ZDHHC15: variants seen among roughly 807,000 people sequenced by gnomAD.
The protein encoded by ZDHHC15 is palmitoyltransferase ZDHHC15.
A neutral mutation model predicts 31.7 loss-of-function variants in ZDHHC15; 19 were observed. The observed-to-expected ratio is 0.60, with a 90% CI of 0.42 to 0.88. The LOEUF is 0.88. Ranked by LOEUF, ZDHHC15 falls within the 40% of genes least tolerant of loss-of-function variation. The pLI, the probability that ZDHHC15 is intolerant of heterozygous loss-of-function variation, is 0.00. For synonymous variants in ZDHHC15, 103 were observed against 90.0 expected (o/e 1.14, Z -0.82); for missense variants, 209 against 251.2 (o/e 0.83, Z 1.14).
At chrX:75,458,027 C>T (rs1260005552) in intron 3 of ZDHHC15, among the ~76,000 whole-genome samples, 1 of 111,093 alleles carries the variant, frequency 9.0e-6, no homozygotes, top group Non-Finnish European at 1.9e-5. Context: ...AAGACATGTA[C>T]AAGAATGTTC....
At chrX:75,432,885 G>A (rs1272099797) in intron 4 of ZDHHC15, among the ~76,000 whole-genome samples, 6 of 111,323 alleles carry the variant, frequency 5.4e-5, no homozygotes, top group Non-Finnish European at 9.4e-5. Context: ...TTGGGAGGCC[G>A]AGGCGGGAGG....
chrX:75,510,467 G>A (rs1466659962), intron 1 of ZDHHC15, among the ~76,000 whole-genome samples: 1 of 57,434 alleles, frequency 1.7e-5, no homozygotes, highest in Non-Finnish European at 3.3e-5. Flanking sequence ...TCTAGAAAAT[G>A]TTTCTTCTGT....
At chrX:75,387,494 A>G (rs1004907838) in intron 10 of ZDHHC15, among the ~76,000 whole-genome samples, 1 of 112,158 alleles carries the variant, frequency 8.9e-6, no homozygotes, top group Non-Finnish European at 1.9e-5. Context: ...AATCAGACAG[A>G]AATCATGAAA....
rs116478893 is a variant in ZDHHC15, at chrX:75,413,941, G to A, written c.967+3146C>T. On this transcript the variant is annotated intron_variant, in intron 10 of 11. Transcript: ENST00000373367. ...CCAACTTATTATTCATGATACTCATGACAGGTAGAGCCATAGATGCCACCC... is the reference window on the plus strand; with the variant it reads ...CCAACTTATTATTCATGATACTCATAACAGGTAGAGCCATAGATGCCACCC... 5.3e-3 allele frequency among the ~76,000 whole-genome samples: 585 copies of A among 110,882 alleles called. 4 individuals carry two copies. The highest frequency in any genetic ancestry group is 0.019 in the African/African-American group (565 of 30,465).
At position 75,471,586 on chromosome X, in the gene ZDHHC15, T is replaced by A. The variant is rs745409131; in HGVS notation, c.258+7305A>T. 7.1e-5 allele frequency among the ~76,000 whole-genome samples: 8 copies of A among 112,251 alleles called. No individual in the cohort carries two copies. The South Asian group carries it at 3.0e-3, about 42-fold the overall frequency. The stretch of plus-strand genomic sequence containing the variant: ...ACAACCAAGAAATTAGCACAATGCC[T>A]AGTGGGCCTATTTGGATTTTAGATG... On this transcript the variant is annotated intron_variant, in intron 3 of 11. Coordinates refer to ENST00000373367, the MANE Select transcript of ZDHHC15 (RefSeq NM_144969.3).
At chrX:75,381,621 A>G (rs1279066229) in intron 10 of ZDHHC15, among the ~76,000 whole-genome samples, 1 of 111,669 alleles carries the variant, frequency 9.0e-6, no homozygotes, top group African/African-American at 3.3e-5. Context: ...CATAAACTTA[A>G]TAGCTATTTT....
chrX:75,389,917 C>T (rs923678701), intron 10 of ZDHHC15, among the ~76,000 whole-genome samples: 1 of 112,193 alleles, frequency 8.9e-6, no homozygotes, highest in Non-Finnish European at 1.9e-5. Context: ...CTTGGGTTCC[C>T]CAATTCTAGG....
At chrX:75,496,099 C>A (rs1385750183) in intron 2 of ZDHHC15, among the ~76,000 whole-genome samples, 1 of 110,668 alleles carries the variant, frequency 9.0e-6, no homozygotes, top group East Asian at 2.8e-4. Context: ...TATCTCCTGT[C>A]TTCAAGAGTC....
chrX:75,513,738 T>C (rs749873994), intron 1 of ZDHHC15, among the ~76,000 whole-genome samples: 14 of 111,116 alleles, frequency 1.3e-4, no homozygotes, highest in Non-Finnish European at 2.3e-4. Context: ...TGGTAAAAAA[T>C]ATGAATCTAA....
intron 2 of ZDHHC15, among the ~76,000 whole-genome samples, chrX:75,486,542 G>A (rs912083287): frequency 1.8e-5 from 2 of 112,512 alleles, no homozygotes; most frequent in Non-Finnish European, 3.8e-5. Flanking sequence ...GGAGGGGTAA[G>A]GCCTGAGCCC....
At chrX:75,376,507 G>T (rs1317006651) in intron 11 of ZDHHC15, among the ~76,000 whole-genome samples, 1 of 111,035 alleles carries the variant, frequency 9.0e-6, no homozygotes, top group African/African-American at 3.3e-5. Context: ...ATTTCCTAGG[G>T]TTGCTTCTAG....
At chrX:75,410,767 A>C (rs1345937562) in intron 10 of ZDHHC15, among the ~76,000 whole-genome samples, 1 of 112,503 alleles carries the variant, frequency 8.9e-6, no homozygotes, top group African/African-American at 3.2e-5. Context: ...TCAGTGTATC[A>C]AAGAGATATT....
chrX:75,506,113 T>C (rs1359341313), intron 1 of ZDHHC15, among the ~76,000 whole-genome samples: 1 of 111,838 alleles, frequency 8.9e-6, no homozygotes, highest in African/African-American at 3.2e-5. Context: ...ATCAAGATTA[T>C]TTTCAATGTT....
chrX:75,495,624 C>T (rs1392091555), intron 2 of ZDHHC15, among the ~76,000 whole-genome samples: 1 of 110,346 alleles, frequency 9.1e-6, no homozygotes, highest in East Asian at 2.8e-4. Context: ...AGTTCATGTC[C>T]TTTGTAGAGA....
chrX:75,445,902 G>A (rs1459231046), intron 4 of ZDHHC15, among the ~76,000 whole-genome samples: 2 of 111,313 alleles, frequency 1.8e-5, no homozygotes, highest in Non-Finnish European at 3.8e-5. Flanking sequence ...AATCCTGTCT[G>A]AAGGGATCAA....
chrX:75,441,496 C>T (rs2083939363), intron 4 of ZDHHC15, among the ~76,000 whole-genome samples: 1 of 111,828 alleles, frequency 8.9e-6, no homozygotes, highest in South Asian at 3.7e-4. Context: ...AGTGGACTTT[C>T]CCCCTCTCAA....
chrX:75,486,816 C>A (rs2084785583), intron 2 of ZDHHC15, among the ~76,000 whole-genome samples: 1 of 111,171 alleles, frequency 9.0e-6, no homozygotes, highest in Non-Finnish European at 1.9e-5. Context: ...TCCACCATCT[C>A]CCACAGTGGC....
intron 9 of ZDHHC15, among the ~76,000 whole-genome samples, chrX:75,419,661 G>A (rs2083597552): frequency 9.1e-6 from 1 of 110,001 alleles, no homozygotes; most frequent in Non-Finnish European, 1.9e-5. Flanking sequence ...TATGTTTACT[G>A]CGGCACTATT....
chrX:75,385,856 G>T (rs1167628915), intron 10 of ZDHHC15, among the ~76,000 whole-genome samples: 1 of 111,337 alleles, frequency 9.0e-6, no homozygotes, highest in African/African-American at 3.3e-5. Flanking sequence ...CAAATTTTAT[G>T]GTTTTAATCA....
Sources: allele counts gnomAD v4.1 joint callset (sites outside exome capture counted in the v4.1 genomes callset), GRCh38; gene constraint gnomAD v4.1.1; transcripts MANE v1.5; gene names NCBI Gene and HGNC (gene_info 2026-07-23, HGNC 2026-07-21).